NTRK3: variants seen among roughly 807,000 people sequenced by gnomAD.
NTRK3 encodes neurotrophic receptor tyrosine kinase 3.
A neutral mutation model predicts 91.7 loss-of-function variants in NTRK3; 24 were observed. That is an observed-to-expected ratio of 0.26 (90% CI 0.19 to 0.37). The LOEUF is 0.37. Among genes scored for constraint, NTRK3 ranks in the 10% least tolerant of loss-of-function variants. The probability of loss-of-function intolerance (pLI) is 1.00; values close to 1 mark genes in which losing one functional copy is unlikely to be tolerated. For missense variants in NTRK3, 880 were observed against 1,068.9 expected, an observed-to-expected ratio of 0.82 and a Z score of 2.46; for synonymous variants, 483 against 404.0, an observed-to-expected ratio of 1.20 and a Z score of -2.34.
intron 17 of NTRK3, 60 bp downstream of exon 17, chr15:87,929,131 G>C (rs987956518): frequency 3.7e-6 from 6 of 1,613,224 alleles, no homozygotes; most frequent in Admixed American, 1.7e-5. Context: ...CAATGAAAAA[G>C]ACATGTAAGC....
chr15:88,228,036 A>G (rs8042985), intron 3 of NTRK3, among the ~76,000 whole-genome samples: 10,100 of 152,228 alleles, frequency 0.066, 1,130 homozygotes, highest in African/African-American at 0.23. Context: ...GCCAGCCCAG[A>G]AACTCCAACT....
intron 17 of NTRK3, among the ~76,000 whole-genome samples, chr15:87,901,249 T>C (rs2141651787): frequency 6.6e-6 from 1 of 152,306 alleles, no homozygotes; most frequent in Non-Finnish European, 1.5e-5. Flanking sequence ...TACAAGAAAG[T>C]CTTAAATGTG....
At chr15:88,185,751 C>T (rs761168399) in intron 3 of NTRK3, among the ~76,000 whole-genome samples, 4 of 152,212 alleles carry the variant, frequency 2.6e-5, no homozygotes, top group Non-Finnish European at 5.9e-5. Flanking sequence ...CCCAGCACCA[C>T]CACACCCGTA....
rs138722834 is a variant in NTRK3, at chr15:87,980,335, A to ATG, written c.1586-39584_1586-39583dup. Among the ~76,000 whole-genome samples the ATG allele has an allele frequency of 4.3e-4, 61 of 142,100 alleles. 1 individual carries two copies. In the East Asian group the frequency reaches 0.011, roughly 25 times the overall value. The allele number at this position is 142,100 out of a possible 152,430, so 93.2% of individuals were successfully genotyped here. ...GTAAAGAGTGTGTGTGTGCATTTGC[A>ATG]TGTGTGTGTGTTTGCATGTGTACAT... On this transcript the variant is annotated intron_variant, in intron 14 of 18. Transcript: ENST00000394480.
At chr15:88,117,761 G>C (rs1007890900) in intron 13 of NTRK3, among the ~76,000 whole-genome samples, 1 of 152,238 alleles carries the variant, frequency 6.6e-6, no homozygotes, top group African/African-American at 2.4e-5. Context: ...CAATAAAGAA[G>C]CAGGCACCAG....
chr15:88,215,767 G>T lies in NTRK3; in HGVS notation c.249-31468C>A, dbSNP rs1367330288. Among the ~76,000 whole-genome samples, 5 of 152,330 alleles carry T rather than the reference G, an allele frequency of 3.3e-5. No individual in the cohort carries two copies. In the East Asian group the frequency reaches 7.7e-4, roughly 24 times the overall value. The stretch of plus-strand genomic sequence containing the variant: ...TGACACTGGGCAAAGCAGTACCAGG[G>T]TAACATCTATATATACTTTTAAAAT... On this transcript the variant is annotated intron_variant, in intron 3 of 18. Coordinates refer to ENST00000394480, the Ensembl canonical transcript of NTRK3.
intron 14 of NTRK3, among the ~76,000 whole-genome samples, chr15:87,976,746 G>A (rs1387163898): frequency 6.6e-6 from 1 of 152,220 alleles, no homozygotes; most frequent in Non-Finnish European, 1.5e-5. Flanking sequence ...TCACCTGAGT[G>A]TGTGCATGAA....
intron 17 of NTRK3, among the ~76,000 whole-genome samples, chr15:87,897,306 C>A (rs2066185026): frequency 1.3e-5 from 2 of 150,562 alleles, no homozygotes; most frequent in African/African-American, 2.5e-5. Context: ...CTTAATCCTG[C>A]CTAAATTCTA....
chr15:87,953,396 T>C (rs1165082303), intron 14 of NTRK3, among the ~76,000 whole-genome samples: 1 of 152,164 alleles, frequency 6.6e-6, no homozygotes, highest in Non-Finnish European at 1.5e-5. Flanking sequence ...TCTTTATCGT[T>C]TTCCTGGTAC....
At chr15:87,900,732 C>T (rs1488412091) in intron 17 of NTRK3, among the ~76,000 whole-genome samples, 1 of 64,496 alleles carries the variant, frequency 1.6e-5, no homozygotes, top group East Asian at 4.4e-4. Flanking sequence ...TGTGTGTGTG[C>T]TGTAGGCAGT....
chr15:88,143,338 A>T (rs1214148197), intron 6 of NTRK3, among the ~76,000 whole-genome samples: 1 of 152,238 alleles, frequency 6.6e-6, no homozygotes, highest in Non-Finnish European at 1.5e-5. Flanking sequence ...AAGCCAAGAA[A>T]CACCAGGAGC....
chr15:87,937,201 C>T (rs1440319865), intron 15 of NTRK3, among the ~76,000 whole-genome samples: 1 of 152,218 alleles, frequency 6.6e-6, no homozygotes, highest in Non-Finnish European at 1.5e-5. Context: ...TACTTTCCCA[C>T]AGAGGGGCTT....
chr15:88,157,093 C>T (rs950664983), intron 5 of NTRK3, among the ~76,000 whole-genome samples: 1 of 152,120 alleles, frequency 6.6e-6, no homozygotes, highest in Non-Finnish European at 1.5e-5. Flanking sequence ...CCCACCTGTC[C>T]TGGGACCTCT....
chr15:87,868,233 T>C (rs2064740666), exon 19 of NTRK3: 1 of 229,728 alleles, frequency 4.4e-6, no homozygotes, highest in Admixed American at 5.7e-5. Context: ...GTGAATGTAG[T>C]TTGCACTATG....
chr15:87,908,223 T>A (rs2066885829), intron 17 of NTRK3, among the ~76,000 whole-genome samples: 1 of 152,160 alleles, frequency 6.6e-6, no homozygotes, highest in African/African-American at 2.4e-5. Flanking sequence ...CCAGCGGCTC[T>A]CCCGGCTGTG....
intron 13 of NTRK3, among the ~76,000 whole-genome samples, chr15:88,036,239 G>A (rs963928786): frequency 2.6e-5 from 4 of 152,026 alleles, no homozygotes; most frequent in African/African-American, 9.7e-5. Context: ...ATTACAAAAT[G>A]CCAGAGCCCT....
chr15:88,184,270 G>A lies in NTRK3; in HGVS notation c.278C>T (p.Thr93Met), dbSNP rs147992979. The change falls in exon 4 of 19, where the codon ACG becomes ATG. Residue 93 changes from threonine (T) to methionine (M), a missense_variant. This residue lies in a region of NTRK3 where 743 missense variants were observed against 868.6 expected (regional missense o/e 0.86). Coordinates refer to ENST00000394480, the Ensembl canonical transcript of NTRK3. ...GAGCTCCATGTCCACGGCGTTGAGCGTGTGAAGACTGCGCCAGTTCTCTAT... is the reference window on the plus strand; with the variant it reads ...GAGCTCCATGTCCACGGCGTTGAGCATGTGAAGACTGCGCCAGTTCTCTAT... 62 of 1,606,950 alleles carry A rather than the reference G, an allele frequency of 3.9e-5. No individual in the cohort carries two copies. The highest frequency in any genetic ancestry group is 2.4e-4 in the Admixed American group (14 of 59,394).
chr15:88,206,183 CA>C (rs568257684), intron 3 of NTRK3, among the ~76,000 whole-genome samples: 3,831 of 134,330 alleles, frequency 0.029, 116 homozygotes, highest in African/African-American at 0.084. Context: ...ACTAAAAATA[CA>C]AAAAAAAAAA....
intron 5 of NTRK3, among the ~76,000 whole-genome samples, chr15:88,169,871 C>T (rs557859641): frequency 1.1e-4 from 16 of 152,248 alleles, no homozygotes; most frequent in African/African-American, 3.6e-4. Context: ...TTCAGGTGGC[C>T]TGGAAGCCTT....
Sources: gnomAD v4.1 joint callset for allele counts (sites outside exome capture counted in the v4.1 genomes callset) on GRCh38, gnomAD v4.1.1 for gene constraint, gnomAD v4.1.1 regional missense constraint, MANE v1.5 for transcripts, NCBI Gene and HGNC (gene_info 2026-07-23, HGNC 2026-07-21) for gene names.